Variants in PLB1 observed in about 807,000 individuals in gnomAD.
PLB1 encodes phospholipase B1.
PLB1 carries 242 observed loss-of-function variants against 227.4 expected under a neutral mutation model. The observed-to-expected ratio is 1.06, with a 90% CI of 0.96 to 1.18. The LOEUF (loss-of-function observed/expected upper bound fraction) is 1.18. PLB1 is among the 50% of genes most tolerant of loss of function. PLB1 has a pLI of 0.00. For missense variants in PLB1, 1,858 were observed against 1,816.3 expected, an observed-to-expected ratio of 1.02 and a Z score of -0.42; for synonymous variants, 757 against 682.2, an observed-to-expected ratio of 1.11 and a Z score of -1.71.
chr2:28,615,038 C>G (rs1380138293), intron 44 of PLB1, among the ~76,000 whole-genome samples: 1 of 152,100 alleles, frequency 6.6e-6, no homozygotes, highest in African/African-American at 2.4e-5. Flanking sequence ...GAGGCAAATT[C>G]AGGTGCACCA....
At chr2:28,566,071 T>G (rs1482677101) in intron 19 of PLB1, among the ~76,000 whole-genome samples, 1 of 152,198 alleles carries the variant, frequency 6.6e-6, no homozygotes, top group East Asian at 1.9e-4. Context: ...ATCAAACCTC[T>G]GCTGCAAGCC....
chr2:28,564,805 C>T (rs1676611367), intron 18 of PLB1, among the ~76,000 whole-genome samples: 1 of 152,186 alleles, frequency 6.6e-6, no homozygotes, highest in Admixed American at 6.5e-5. Context: ...AGAGTGTCCA[C>T]ATTGTGCTTT....
chr2:28,618,665 A>C (rs1387287537), intron 46 of PLB1, among the ~76,000 whole-genome samples: 2 of 152,142 alleles, frequency 1.3e-5, no homozygotes, highest in African/African-American at 4.8e-5. Flanking sequence ...CACTGTTCAC[A>C]GGCGTTTTGT....
At chr2:28,562,742 T>C (rs2148238249) in intron 17 of PLB1, among the ~76,000 whole-genome samples, 1 of 152,148 alleles carries the variant, frequency 6.6e-6, no homozygotes, top group East Asian at 1.9e-4. Context: ...ACTCGCCTTG[T>C]AGCATCTGGT....
intron 56 of PLB1, among the ~76,000 whole-genome samples, chr2:28,636,047 A>ATGTGTGTGTATGTGTG (rs369111026): frequency 1.4e-5 from 2 of 144,696 alleles, no homozygotes; most frequent in Non-Finnish European, 3.0e-5. Context: ...GTGTGTATGT[A>ATGTGTGTGTATGTGTG]TGTGTATGTG....
intron 26 of PLB1, among the ~76,000 whole-genome samples, chr2:28,588,317 T>G (rs1681269533): frequency 6.6e-6 from 1 of 152,098 alleles, no homozygotes. Flanking sequence ...CTCCATTTAC[T>G]AAAAGGGAAG....
intron 21 of PLB1, among the ~76,000 whole-genome samples, chr2:28,577,294 G>A (rs1291401888): frequency 1.3e-5 from 2 of 152,156 alleles, no homozygotes; most frequent in Non-Finnish European, 2.9e-5. Context: ...TCTCCATTTT[G>A]TAGTCTTTTT....
At chr2:28,591,633 C>T (rs901498866) in intron 30 of PLB1, 67 bp from the exon 31 acceptor site, 150 of 1,513,384 alleles carry the variant, frequency 9.9e-5, no homozygotes, top group Non-Finnish European at 1.3e-4. Context: ...TCTTGGGGTA[C>T]ATCTGATAGC....
chr2:28,617,790 G>A lies in PLB1; in HGVS notation c.3256+3G>A, dbSNP rs754570819. On this transcript the variant is annotated splice_donor_region_variant and intron_variant, in intron 45 of 57. Transcript: ENST00000327757. ...TTCCAATAGTGTTCCAACCTCTGGT[G>A]AGTGAAAACATCATCATCTCCTTCA... The A allele has an allele frequency of 4.3e-6, 7 of 1,613,086 alleles. No individual in the cohort carries two copies. The South Asian group carries it at 7.7e-5, about 18-fold the overall frequency.
Position 28,499,749 on chromosome 2 carries a change from A to T in PLB1, c.55+3580A>T, listed in dbSNP as rs890385199. 2.0e-5 allele frequency among the ~76,000 whole-genome samples: 3 copies of T among 152,144 alleles called. No individual in the cohort carries two copies. In the South Asian group the frequency reaches 6.2e-4, roughly 32 times the overall value. Reference sequence around the variant, plus strand: ...AAAATACAAAAATTAGCCAGACGTGATGGCGGTTGCCTGTAATCCCAGCTG... The same window carrying T: ...AAAATACAAAAATTAGCCAGACGTGTTGGCGGTTGCCTGTAATCCCAGCTG... On this transcript the variant is annotated intron_variant, in intron 1 of 57. Coordinates refer to ENST00000327757, the MANE Select transcript of PLB1 (RefSeq NM_153021.5).
chr2:28,580,145 G>A (rs1679675937), intron 23 of PLB1, among the ~76,000 whole-genome samples: 1 of 152,182 alleles, frequency 6.6e-6, no homozygotes, highest in South Asian at 2.1e-4. Context: ...ATTCTGGGCT[G>A]GTGGGAAACC....
intron 15 of PLB1, among the ~76,000 whole-genome samples, chr2:28,549,366 A>G (rs1673822588): frequency 1.3e-5 from 2 of 151,070 alleles, no homozygotes; most frequent in African/African-American, 4.9e-5. Flanking sequence ...ATGTTTCCAA[A>G]TAAGTGGATG....
rs762313064 is a variant in PLB1, at chr2:28,626,482, G to A, written c.3634G>A (p.Asp1212Asn). ...KLVTLFIGVNDLCHYCENPEA... is the reference protein window; with the variant it reads ...KLVTLFIGVNNLCHYCENPEA... ...GGTCACACTCTTCATTGGGGTCAAC[G>A]ACTTGTGTCATTACTGTGAGAATCC... The change falls in exon 51 of 58, where the codon GAC becomes AAC. Residue 1212 changes from aspartate to asparagine, a missense_variant. Transcript: ENST00000327757. The A allele has an allele frequency of 3.7e-6, 6 of 1,614,012 alleles. No individual in the cohort carries two copies. Among genetic ancestry groups the A allele is most frequent in the Middle Eastern group, 1.6e-4 (1 of 6,084 alleles).
rs746135942 is a variant in PLB1, at chr2:28,585,780, C to T, written c.1753C>T (p.Leu585=). Reference sequence around the variant, plus strand: ...CTACAGGTCTCTGTGTCCCTGTGTCCTGAAGTTTGATGATAACTCAACAGA... The same window carrying T: ...CTACAGGTCTCTGTGTCCCTGTGTCTTGAAGTTTGATGATAACTCAACAGA... ...MILRSLCPCV[L]KFDDNSTELA... Residue 585 remains leucine, a synonymous_variant, in exon 26 of 58, where the codon CTG becomes TTG. Coordinates refer to ENST00000327757, the MANE Select transcript of PLB1 (RefSeq NM_153021.5). 1 of 1,610,646 alleles carries T rather than the reference C, an allele frequency of 6.2e-7. No individual in the cohort carries two copies. The highest frequency in any genetic ancestry group is 8.5e-7 in the Non-Finnish European group (1 of 1,176,890).
chr2:28,545,685 T>C (rs1319587554), intron 14 of PLB1, among the ~76,000 whole-genome samples: 1 of 152,172 alleles, frequency 6.6e-6, no homozygotes, highest in Non-Finnish European at 1.5e-5. Flanking sequence ...GTTTCGCTAA[T>C]TGCATCCTCC....
At chr2:28,597,307 G>A (rs1237984701) in intron 33 of PLB1, among the ~76,000 whole-genome samples, 1 of 150,520 alleles carries the variant, frequency 6.6e-6, no homozygotes, top group African/African-American at 2.4e-5. Context: ...AATATAACAT[G>A]CTGGGATTCG....
rs560102569 is a variant in PLB1 at position 28,608,492 on chromosome 2, G to A, written c.3129+1925G>A. On this transcript the variant is annotated intron_variant, in intron 43 of 57. Coordinates refer to ENST00000327757, the MANE Select transcript of PLB1 (RefSeq NM_153021.5). ...CTCAGCCTCCTCCCTTCTCCCATCCGCAGTCTAACTGCTCATACGTTCTGT... is the reference window on the plus strand; with the variant it reads ...CTCAGCCTCCTCCCTTCTCCCATCCACAGTCTAACTGCTCATACGTTCTGT... 1.1e-4 allele frequency among the ~76,000 whole-genome samples: 16 copies of A among 152,296 alleles called. No homozygotes were observed. In the South Asian group the frequency reaches 2.3e-3, roughly 22 times the overall value.
Position 28,539,016 on chromosome 2 carries a change from G to A in PLB1, c.619-83G>A, listed in dbSNP as rs1450399390. On this transcript the variant is annotated intron_variant, in intron 10 of 57. Transcript: ENST00000327757. ...CCATCACACTCAACCACACCCCAAC[G>A]GGGCCCAAGCAGGAGTTCCAGAAAG... 7.2e-6 allele frequency: 8 copies of A among 1,107,772 alleles called. No homozygotes were observed. The African/African-American group carries it at 7.7e-5, about 11-fold the overall frequency. 68.6% of individuals were successfully genotyped at this position (1,107,772 alleles called of 1,614,324 possible).
intron 17 of PLB1, among the ~76,000 whole-genome samples, chr2:28,554,229 C>T (rs1030116573): frequency 6.6e-6 from 1 of 151,952 alleles, no homozygotes; most frequent in East Asian, 1.9e-4. Flanking sequence ...ATAATAAATA[C>T]CCTTACTCAA....
Sources: allele counts gnomAD v4.1 joint callset (sites outside exome capture counted in the v4.1 genomes callset), GRCh38; gene constraint gnomAD v4.1.1; transcripts MANE v1.5; gene names NCBI Gene and HGNC (gene_info 2026-07-23, HGNC 2026-07-21).